SLC24A2: variants seen among roughly 807,000 people sequenced by gnomAD.
SLC24A2 encodes solute carrier family 24 member 2, also known as sodium/potassium/calcium exchanger 2.
SLC24A2 carries 36 observed loss-of-function variants against 62.0 expected under a neutral mutation model. The observed-to-expected ratio is 0.58, with a 90% confidence interval of 0.44 to 0.77. The LOEUF is 0.77. SLC24A2 is among the 30% of genes least tolerant of loss of function. SLC24A2 has a pLI of 0.00. For missense variants in SLC24A2, 846 were observed against 817.9 expected, an observed-to-expected ratio of 1.03 and a Z score of -0.42; for synonymous variants, 358 against 294.0, an observed-to-expected ratio of 1.22 and a Z score of -2.23.
chr9:19,560,204 T>C (rs1360189948), intron 7 of SLC24A2, among the ~76,000 whole-genome samples: 1 of 152,094 alleles, frequency 6.6e-6, no homozygotes, highest in Non-Finnish European at 1.5e-5. Context: ...CGTTAGACCA[T>C]ATGATAGAAA....
the SLC24A2 span, among the ~76,000 whole-genome samples, chr9:20,271,972 G>C: frequency 7.3e-6 from 1 of 137,806 alleles, no homozygotes; most frequent in Non-Finnish European, 1.6e-5. Flanking sequence ...CATCTGGAGG[G>C]GGAAAGGTTA....
At chr9:20,249,029 T>C in the SLC24A2 span, among the ~76,000 whole-genome samples, 1 of 152,158 alleles carries the variant, frequency 6.6e-6, no homozygotes, top group South Asian at 2.1e-4. Context: ...GCCAAACTTA[T>C]TCTCAAGACA....
At chr9:20,041,034 T>C in the SLC24A2 span, among the ~76,000 whole-genome samples, 2 of 152,268 alleles carry the variant, frequency 1.3e-5, no homozygotes, top group Middle Eastern at 3.4e-3. Flanking sequence ...AGGCTCTGAA[T>C]TTTTTTTAGG....
At chr9:19,758,778 G>C (rs1368421737) in intron 2 of SLC24A2, among the ~76,000 whole-genome samples, 1 of 152,136 alleles carries the variant, frequency 6.6e-6, no homozygotes, top group African/African-American at 2.4e-5. Context: ...GCTATATTCA[G>C]TAAGAAAGAA....
intron 2 of SLC24A2, among the ~76,000 whole-genome samples, chr9:19,751,456 G>A (rs1437179869): frequency 6.6e-6 from 1 of 152,176 alleles, no homozygotes; most frequent in Non-Finnish European, 1.5e-5. Context: ...GAGAACCACT[G>A]AAGCTGAATT....
the SLC24A2 span, among the ~76,000 whole-genome samples, chr9:20,204,900 C>T: frequency 1.3e-5 from 2 of 152,118 alleles, no homozygotes; most frequent in African/African-American, 4.8e-5. Flanking sequence ...CGCACCACCA[C>T]ACTCGGCTAA....
intron 2 of SLC24A2, among the ~76,000 whole-genome samples, chr9:19,681,754 C>T (rs1819729026): frequency 6.6e-6 from 1 of 152,172 alleles, no homozygotes; most frequent in Admixed American, 6.6e-5. Flanking sequence ...AGAACATTAG[C>T]AGGCTTGGCT....
chr9:19,713,319 A>G (rs1229813097), intron 2 of SLC24A2, among the ~76,000 whole-genome samples: 3 of 152,154 alleles, frequency 2.0e-5, no homozygotes, highest in Non-Finnish European at 4.4e-5. Context: ...ACAAGCAGAA[A>G]AGCTGTAAGT....
chr9:20,171,880 A>G, the SLC24A2 span, among the ~76,000 whole-genome samples: 371 of 152,214 alleles, frequency 2.4e-3, 5 homozygotes, highest in African/African-American at 8.4e-3. Context: ...AAATATTTAC[A>G]GAACATTCTA....
At chr9:20,224,397 A>C in the SLC24A2 span, among the ~76,000 whole-genome samples, 1 of 152,018 alleles carries the variant, frequency 6.6e-6, no homozygotes, top group Non-Finnish European at 1.5e-5. Context: ...GTAATAACAC[A>C]TCCAATCATA....
the SLC24A2 span, among the ~76,000 whole-genome samples, chr9:20,256,113 TATTA>T: frequency 2.0e-5 from 3 of 152,200 alleles, 1 homozygote; most frequent in South Asian, 6.2e-4. Flanking sequence ...GTGATAACAG[TATTA>T]ATTATTTCAC....
chr9:19,835,333 C>T, the SLC24A2 span, among the ~76,000 whole-genome samples: 1 of 152,166 alleles, frequency 6.6e-6, no homozygotes, highest in Admixed American at 6.5e-5. Context: ...GGAAATCCAT[C>T]ACACATGCAG....
At chr9:20,014,494 T>C in the SLC24A2 span, among the ~76,000 whole-genome samples, 1 of 97,610 alleles carries the variant, frequency 1.0e-5, no homozygotes, top group East Asian at 2.2e-4. Context: ...AAGAAAAATG[T>C]GATATATATA....
chr9:20,187,935 A>G, the SLC24A2 span, among the ~76,000 whole-genome samples: 7,654 of 152,306 alleles, frequency 0.05, 239 homozygotes, highest in East Asian at 0.099. Context: ...AAATGTGGAA[A>G]GTCTGCTTTA....
At chr9:20,203,555 T>C in the SLC24A2 span, among the ~76,000 whole-genome samples, 1 of 152,050 alleles carries the variant, frequency 6.6e-6, no homozygotes, top group East Asian at 1.9e-4. Flanking sequence ...ATTCAAAACC[T>C]CTTCTTGGCC....
the SLC24A2 span, among the ~76,000 whole-genome samples, chr9:20,164,153 C>CCTT: frequency 6.6e-6 from 1 of 152,014 alleles, no homozygotes; most frequent in Non-Finnish European, 1.5e-5. Flanking sequence ...AAACTAAAGA[C>CCTT]CTTCTGCACA....
At chr9:19,529,230 G>T (rs952991779) in intron 8 of SLC24A2, among the ~76,000 whole-genome samples, 1 of 152,094 alleles carries the variant, frequency 6.6e-6, no homozygotes, top group African/African-American at 2.4e-5. Flanking sequence ...GAGTTGACTT[G>T]TATGAAAGTA....
chr9:19,922,266 G>T, the SLC24A2 span, among the ~76,000 whole-genome samples: 1 of 152,130 alleles, frequency 6.6e-6, no homozygotes, highest in Admixed American at 6.5e-5. Context: ...CTGATAGTTT[G>T]TCACTAAGTA....
At chr9:20,209,049 G>A in the SLC24A2 span, among the ~76,000 whole-genome samples, 1 of 152,180 alleles carries the variant, frequency 6.6e-6, no homozygotes, top group Non-Finnish European at 1.5e-5. Context: ...CTGTAAAATG[G>A]AGACATAAGT....
Sources: allele counts gnomAD v4.1 joint callset (sites outside exome capture counted in the v4.1 genomes callset), GRCh38; gene constraint gnomAD v4.1.1; transcripts MANE v1.5; gene names NCBI Gene and HGNC (gene_info 2026-07-23, HGNC 2026-07-21).